Variants in FBN2 observed in about 807,000 individuals in gnomAD.
FBN2 encodes fibrillin-2.
FBN2 carries 105 observed loss-of-function variants against 355.6 expected under a neutral mutation model. The observed-to-expected ratio is 0.30, with a 90% CI of 0.25 to 0.35. The LOEUF is 0.35. Among genes scored for constraint, FBN2 ranks in the 10% least tolerant of loss-of-function variants. The pLI, the probability that FBN2 is intolerant of heterozygous loss-of-function variation, is 1.00. For synonymous variants in FBN2, 1,350 were observed against 1,301.2 expected (o/e 1.04, Z -0.81); for missense variants, 3,280 against 3,758.7 (o/e 0.87, Z 3.33).
chr5:128,511,069 T>G (rs1448563916), intron 5 of FBN2, among the ~76,000 whole-genome samples: 1 of 152,232 alleles, frequency 6.6e-6, no homozygotes, highest in Non-Finnish European at 1.5e-5. Flanking sequence ...AAAAGTTCAG[T>G]AAATGTTATC....
chr5:128,338,605 A>T lies in FBN2; in HGVS notation c.3472+328T>A, dbSNP rs115522375. Among the ~76,000 whole-genome samples the T allele has an allele frequency of 0.015, 2,314 of 152,298 alleles. 58 individuals carry two copies. The highest frequency in any genetic ancestry group is 0.047 in the African/African-American group (1,939 of 41,548). ...AGAGCAATAACATGGGATTGGCATGACTGAATACAAATCTTGGGGCCACCA... is the reference window on the plus strand; with the variant it reads ...AGAGCAATAACATGGGATTGGCATGTCTGAATACAAATCTTGGGGCCACCA... On this transcript the variant is annotated intron_variant, in intron 26 of 64. Coordinates refer to ENST00000262464, the MANE Select transcript of FBN2 (RefSeq NM_001999.4).
At chr5:128,315,470 A>G (rs1750176264) in intron 36 of FBN2, among the ~76,000 whole-genome samples, 1 of 152,224 alleles carries the variant, frequency 6.6e-6, no homozygotes, top group African/African-American at 2.4e-5. Flanking sequence ...GCTTCATAAA[A>G]ATGCAATACC....
intron 41 of FBN2, 140 bp downstream of exon 41, chr5:128,309,107 A>G (rs1315496980): frequency 3.7e-6 from 3 of 810,218 alleles, no homozygotes; most frequent in Non-Finnish European, 6.2e-6. Flanking sequence ...TCACTTGGGA[A>G]ACAGAACCAT....
chr5:128,356,209 T>C (rs1751499190), intron 20 of FBN2, among the ~76,000 whole-genome samples: 1 of 150,572 alleles, frequency 6.6e-6, no homozygotes, highest in South Asian at 2.1e-4. Context: ...TATTTCCTAA[T>C]ATGAAGAGCT....
intron 34 of FBN2, among the ~76,000 whole-genome samples, chr5:128,326,281 T>C (rs957501723): frequency 1.3e-5 from 2 of 152,184 alleles, no homozygotes; most frequent in South Asian, 4.1e-4. Flanking sequence ...CGCCCAAAGT[T>C]TCGTAAGGTG....
chr5:128,461,644 A>G (rs1023442750), intron 6 of FBN2, among the ~76,000 whole-genome samples: 1 of 152,218 alleles, frequency 6.6e-6, no homozygotes, highest in Non-Finnish European at 1.5e-5. Flanking sequence ...AATGTGGTAC[A>G]TATACACCAT....
rs113942123 is a variant in FBN2 at position 128,464,873 on chromosome 5, T to C, written c.677A>G (p.Gln226Arg). Reference protein sequence around the residue: ...CFTQVNNQMCQGQLTGIVCTK... With the variant: ...CFTQVNNQMCRGQLTGIVCTK... ...GCAGACAATGCCTGTCAGCTGCCCT[T>C]GGCACATCTGGTTGTTGACCTGAGT... The change falls in exon 6 of 65, where the codon CAA (glutamine) becomes CGA (arginine). Residue 226 changes from glutamine to arginine, a missense_variant. Gln to Arg is a conservative substitution (Grantham distance 43). Around this residue, in one of 6 missense-constraint regions of FBN2, gnomAD observed 130 missense variants for 189.9 expected, o/e 0.68. Transcript: ENST00000262464. 7.4e-6 allele frequency: 12 copies of C among 1,614,256 alleles called. No individual in the cohort carries two copies. Among genetic ancestry groups the C allele is most frequent in the Non-Finnish European group, 1.0e-5 (12 of 1,180,050 alleles).
At chr5:128,334,640 C>T (rs1420159743) in intron 31 of FBN2, 79 bp downstream of exon 31, 1 of 1,477,416 alleles carries the variant, frequency 6.8e-7, no homozygotes, top group East Asian at 2.3e-5. Context: ...CTAAGAGATG[C>T]CAGAGAACAA....
intron 6 of FBN2, among the ~76,000 whole-genome samples, chr5:128,459,430 G>A (rs539125538): frequency 6.6e-6 from 1 of 152,124 alleles, no homozygotes; most frequent in Non-Finnish European, 1.5e-5. Flanking sequence ...GAAAAGAAGG[G>A]ACTCCTCCCT....
intron 3 of FBN2, 103 bp downstream of exon 3, chr5:128,530,492 A>G (rs1756673425): frequency 3.9e-6 from 3 of 768,674 alleles, no homozygotes; most frequent in Non-Finnish European, 7.0e-6. Flanking sequence ...AGGATTAACT[A>G]AAGTAATAAC....
At chr5:128,404,770 A>T (rs981307087) in intron 8 of FBN2, among the ~76,000 whole-genome samples, 6 of 152,220 alleles carry the variant, frequency 3.9e-5, no homozygotes, top group Non-Finnish European at 7.3e-5. Flanking sequence ...CAATGCAGTA[A>T]ACCCTAAAAT....
At chr5:128,301,862 T>A (rs918053999) in intron 46 of FBN2, among the ~76,000 whole-genome samples, 9 of 152,198 alleles carry the variant, frequency 5.9e-5, no homozygotes, top group African/African-American at 2.2e-4. Context: ...GGATTTAATC[T>A]GATTGCCTAA....
At position 128,382,843 on chromosome 5, in the gene FBN2, T is replaced by C. The variant is rs540066163; in HGVS notation, c.1604-3953A>G. On this transcript the variant is annotated intron_variant, in intron 11 of 64. Transcript: ENST00000262464. Reference sequence around the variant, plus strand: ...TGTCATAATTTCTTGCCTAGACTTATATAAAAATTTACTAGCTGGCGTTTT... The same window carrying C: ...TGTCATAATTTCTTGCCTAGACTTACATAAAAATTTACTAGCTGGCGTTTT... Among the ~76,000 whole-genome samples the C allele has an allele frequency of 2.9e-4, 44 of 152,230 alleles. 1 individual carries two copies. The South Asian group carries it at 6.8e-3, about 24-fold the overall frequency.
intron 7 of FBN2, among the ~76,000 whole-genome samples, chr5:128,445,289 A>G (rs114792038): frequency 2.2e-4 from 33 of 152,220 alleles, no homozygotes; most frequent in Admixed American, 2.0e-4. Flanking sequence ...TTGTAATTAC[A>G]TAAAATGTAT....
intron 36 of FBN2, 148 bp from the exon 37 acceptor site, chr5:128,312,943 G>A: frequency 1.1e-6 from 1 of 886,974 alleles, no homozygotes; most frequent in Non-Finnish European, 1.8e-6. Context: ...GCAATCTCCT[G>A]CTTTTCAGCT....
intron 58 of FBN2, 36 bp downstream of exon 58, chr5:128,277,844 C>T (rs762760752): frequency 6.8e-6 from 11 of 1,613,126 alleles, no homozygotes; most frequent in Admixed American, 1.7e-5. Flanking sequence ...GCTGATTAGC[C>T]CCCAAACCCC....
At chr5:128,373,725 T>C (rs1313310541) in intron 15 of FBN2, among the ~76,000 whole-genome samples, 1 of 152,206 alleles carries the variant, frequency 6.6e-6, no homozygotes, top group Non-Finnish European at 1.5e-5. Context: ...CACTGGAATA[T>C]ATTGCTGGGG....
intron 5 of FBN2, among the ~76,000 whole-genome samples, chr5:128,497,064 T>A (rs973348886): frequency 1.3e-5 from 2 of 152,136 alleles, no homozygotes; most frequent in Non-Finnish European, 2.9e-5. Flanking sequence ...TGAAAAGATA[T>A]TCCATGAAAG....
rs544652777 is a variant in FBN2 at position 128,453,400 on chromosome 5, A to G, written c.827-6794T>C. 8.5e-5 allele frequency among the ~76,000 whole-genome samples: 13 copies of G among 152,326 alleles called. No individual in the cohort carries two copies. In the East Asian group the frequency reaches 2.5e-3, roughly 29 times the overall value. On this transcript the variant is annotated intron_variant, in intron 6 of 64. Coordinates refer to ENST00000262464, the MANE Select transcript of FBN2 (RefSeq NM_001999.4). ...CTTTCCTCTGCTACTACCCGGTCTCAGCCTCCATCATATAGCACCTGGACT... is the reference window on the plus strand; with the variant it reads ...CTTTCCTCTGCTACTACCCGGTCTCGGCCTCCATCATATAGCACCTGGACT...
Sources: gnomAD v4.1 joint callset for allele counts (sites outside exome capture counted in the v4.1 genomes callset) on GRCh38, gnomAD v4.1.1 for gene constraint, gnomAD v4.1.1 regional missense constraint, MANE v1.5 for transcripts, NCBI Gene and HGNC (gene_info 2026-07-23, HGNC 2026-07-21) for gene names.